The following RERE variants were observed in gnomAD, a reference collection of about 807,000 sequenced individuals.
The protein encoded by RERE is arginine-glutamic acid dipeptide repeats protein.
In RERE, 40 loss-of-function variants were observed where a neutral mutation model predicts 146.1. The observed-to-expected ratio is 0.27, with a 90% confidence interval of 0.21 to 0.36. RERE has a LOEUF of 0.36. Among genes scored for constraint, RERE ranks in the 10% least tolerant of loss-of-function variants. RERE has a pLI of 1.00. For missense variants in RERE, 1,933 were observed against 2,138.7 expected (o/e 0.90, Z 1.90); for synonymous variants, 1,003 against 866.0 (o/e 1.16, Z -2.78).
rs1448845305 is a variant in RERE at position 8,361,506 on chromosome 1, G to T, written c.2017-16C>A. The T allele has an allele frequency of 2.5e-6, 4 of 1,607,240 alleles. No homozygotes were observed. Among genetic ancestry groups the T allele is most frequent in the Non-Finnish European group, 3.4e-6 (4 of 1,179,858 alleles). On this transcript the variant is annotated splice_polypyrimidine_tract_variant and intron_variant, in intron 17 of 22. Transcript: ENST00000400908. Reference sequence around the variant, plus strand: ...TGCTGATCTCCTGGAGTCAGAGAAGGGAAGGATGGAAGTCCCAGGAGGGCA... The same window carrying T: ...TGCTGATCTCCTGGAGTCAGAGAAGTGAAGGATGGAAGTCCCAGGAGGGCA...
intron 13 of RERE, among the ~76,000 whole-genome samples, chr1:8,365,240 T>C (rs539916146): frequency 1.3e-5 from 2 of 152,280 alleles, no homozygotes; most frequent in East Asian, 1.9e-4. Context: ...GTCGCCTGCA[T>C]GCGCAACACC....
chr1:8,528,222 A>G (rs922440799), intron 7 of RERE, among the ~76,000 whole-genome samples: 5 of 152,224 alleles, frequency 3.3e-5, no homozygotes, highest in Admixed American at 3.3e-4. Context: ...TAACTCTTCA[A>G]AAAGGTCGAT....
At chr1:8,573,299 A>G (rs1426204536) in intron 4 of RERE, among the ~76,000 whole-genome samples, 1 of 152,126 alleles carries the variant, frequency 6.6e-6, no homozygotes, top group African/African-American at 2.4e-5. Flanking sequence ...GAATTCACTG[A>G]TCATTCCCAT....
In RERE at chr1:8,611,511, A is replaced by AAAC. The variant is rs893334271; in HGVS notation, c.522+3047_522+3049dup. Among the ~76,000 whole-genome samples the AAAC allele has an allele frequency of 1.4e-4, 21 of 152,290 alleles. No homozygotes were observed. The South Asian group carries it at 3.7e-3, about 27-fold the overall frequency. On this transcript the variant is annotated intron_variant, in intron 4 of 22. Coordinates refer to ENST00000400908, the MANE Select transcript of RERE (RefSeq NM_001042681.2). ...AGGGTGAGACTCTGTCTCAAAACAA[A>AAAC]AACAACAACAACAAAAAAACACTAC...
intron 4 of RERE, among the ~76,000 whole-genome samples, chr1:8,558,865 G>A (rs1311784475): frequency 6.8e-6 from 1 of 147,792 alleles, no homozygotes; most frequent in Non-Finnish European, 1.5e-5. Context: ...GCGTGATCTC[G>A]GCTCACTGCA....
intron 12 of RERE, among the ~76,000 whole-genome samples, chr1:8,405,569 G>A (rs942205752): frequency 6.6e-5 from 10 of 152,200 alleles, no homozygotes; most frequent in Admixed American, 6.5e-4. Flanking sequence ...ATTGATATAT[G>A]CCTAGAAACA....
At position 8,732,808 on chromosome 1, in the gene RERE, C is replaced by CTT. The variant is rs59337140; in HGVS notation, c.-144-76369_-144-76368dup. Reference sequence around the variant, plus strand: ...ACTATCTGCCCAATTTTCAATTTTTCTTTTTTTTTTTTTTTTTTTTTTTTT... The same window carrying CTT: ...ACTATCTGCCCAATTTTCAATTTTTCTTTTTTTTTTTTTTTTTTTTTTTTTTT... On this transcript the variant is annotated intron_variant, in intron 1 of 22. Transcript: ENST00000400908. Among the ~76,000 whole-genome samples the CTT allele has an allele frequency of 7.6e-3, 502 of 65,712 alleles. 25 individuals carry two copies. Among genetic ancestry groups the CTT allele is most frequent in the African/African-American group, 0.025 (463 of 18,296 alleles). The allele number at this position is 65,712 out of a possible 152,430, so 43.1% of individuals were successfully genotyped here.
Position 8,423,916 on chromosome 1 carries a change from C to A in RERE, c.1204-1109G>T. Reference sequence around the variant, plus strand: ...CCCCGCCCCCGGCCCGACCCCCACCCCGAGGCCGGAGCCTCCAGGGCACCC... The same window carrying A: ...CCCCGCCCCCGGCCCGACCCCCACCACGAGGCCGGAGCCTCCAGGGCACCC... On this transcript the variant is annotated intron_variant, in intron 11 of 22. Coordinates refer to ENST00000400908, the MANE Select transcript of RERE (RefSeq NM_001042681.2). This position sits in a 1 kb window ranked among gnomAD's most constrained non-coding sequence, Gnocchi z 5.4. The A allele has an allele frequency of 6.6e-6, 1 of 152,252 alleles. No individual in the cohort carries two copies. Among genetic ancestry groups the A allele is most frequent in the South Asian group, 1.9e-4 (1 of 5,198 alleles). The allele number at this position is 152,252 out of a possible 1,614,324, so 9.4% of individuals were successfully genotyped here. A position where few individuals can be genotyped will look rare whatever the true frequency, so the allele number is the denominator to read the frequency against.
chr1:8,772,129 G>T (rs1640965544), intron 1 of RERE, among the ~76,000 whole-genome samples: 1 of 151,800 alleles, frequency 6.6e-6, no homozygotes, highest in African/African-American at 2.4e-5. Context: ...TGGAAGAAAA[G>T]ACACCAAAAT....
chr1:8,790,131 T>G (rs1005204837), intron 1 of RERE, among the ~76,000 whole-genome samples: 2 of 152,194 alleles, frequency 1.3e-5, no homozygotes, highest in South Asian at 4.1e-4. Context: ...GATGGAAAGA[T>G]GAGCCAGAGA....
rs1645761219 is a variant in RERE at position 8,538,872 on chromosome 1, A to G, written c.830+2342T>C. Among the ~76,000 whole-genome samples the G allele has an allele frequency of 3.3e-5, 5 of 152,348 alleles. 1 individual carries two copies. The Middle Eastern group carries it at 0.017, about 518-fold the overall frequency. On this transcript the variant is annotated intron_variant, in intron 7 of 22. Coordinates refer to ENST00000400908, the MANE Select transcript of RERE (RefSeq NM_001042681.2). ...TGTCTCTGTGTTCCTTATTGCATCCATATTTTAAAACAAACCCGATGGGAT... is the reference window on the plus strand; with the variant it reads ...TGTCTCTGTGTTCCTTATTGCATCCGTATTTTAAAACAAACCCGATGGGAT...
intron 12 of RERE, chr1:8,380,883 A>T (rs1430687968): frequency 2.2e-6 from 1 of 456,642 alleles, no homozygotes; most frequent in Non-Finnish European, 4.4e-6. Flanking sequence ...GAAAGTGCTC[A>T]GCGCTGCTGT....
chr1:8,801,154 G>C (rs533442930), intron 1 of RERE, among the ~76,000 whole-genome samples: 1 of 151,766 alleles, frequency 6.6e-6, no homozygotes, highest in African/African-American at 2.4e-5. Flanking sequence ...AGCTACTGGA[G>C]GGGGTTGAGA....
At chr1:8,490,703 T>C (rs1264261928) in intron 10 of RERE, among the ~76,000 whole-genome samples, 2 of 150,288 alleles carry the variant, frequency 1.3e-5, no homozygotes, top group East Asian at 3.9e-4. Flanking sequence ...TCCATTCCTG[T>C]AACATTCCGC....
At chr1:8,757,893 C>CACACACACACACAT (rs1640673228) in intron 1 of RERE, among the ~76,000 whole-genome samples, 3 of 123,038 alleles carry the variant, frequency 2.4e-5, no homozygotes, top group Non-Finnish European at 5.2e-5. Flanking sequence ...CATATGTATA[C>CACACACACACACAT]ACACACACAC....
intron 1 of RERE, among the ~76,000 whole-genome samples, chr1:8,687,219 A>G (rs904820271): frequency 6.6e-6 from 1 of 152,146 alleles, no homozygotes; most frequent in Non-Finnish European, 1.5e-5. Context: ...TTACTATGTG[A>G]GAGGGCACGG....
chr1:8,806,812 T>C (rs1557554817), intron 1 of RERE: 1 of 152,212 alleles, frequency 6.6e-6, no homozygotes, highest in African/African-American at 2.4e-5. Flanking sequence ...TGTCATCATA[T>C]TCTTGCTTCA....
chr1:8,681,047 T>C (rs1638953358), intron 1 of RERE, among the ~76,000 whole-genome samples: 1 of 152,226 alleles, frequency 6.6e-6, no homozygotes, highest in South Asian at 2.1e-4. Flanking sequence ...AGAAAGCATG[T>C]AAAACCATCG....
intron 12 of RERE, among the ~76,000 whole-genome samples, chr1:8,397,927 C>T (rs1004724580): frequency 1.3e-5 from 2 of 152,200 alleles, no homozygotes; most frequent in African/African-American, 4.8e-5. Flanking sequence ...CATCTAGGTG[C>T]AAGGCACCAT....
Sources: gnomAD v4.1 joint callset for allele counts (sites outside exome capture counted in the v4.1 genomes callset) on GRCh38, gnomAD v4.1.1 for gene constraint, Gnocchi (gnomAD v3.1) non-coding constraint, MANE v1.5 for transcripts, NCBI Gene and HGNC (gene_info 2026-07-23, HGNC 2026-07-21) for gene names.